The following ATM variants were observed in gnomAD, a reference collection of about 807,000 sequenced individuals.
The protein encoded by ATM is ATM serine/threonine kinase.
A neutral mutation model predicts 387.0 loss-of-function variants in ATM; 308 were observed. That is an observed-to-expected ratio of 0.80 (90% CI 0.73 to 0.87). The LOEUF (loss-of-function observed/expected upper bound fraction) is 0.87. ATM is among the 40% of genes least tolerant of loss of function. ATM has a pLI of 0.00. For synonymous variants in ATM, 1,156 were observed against 1,187.3 expected (o/e 0.97, Z 0.54); for missense variants, 3,312 against 3,560.9 (o/e 0.93, Z 1.78).
rs140715129 is a variant in ATM, at chr11:108,237,458, A to G, written c.496+1624A>G. On this transcript the variant is annotated intron_variant, in intron 5 of 62. Transcript: ENST00000675843. ...CCCCCTTTTTATTTTTAAACTAACT[A>G]CTCTTACTTCTTTTTTTTTCTTTTT... Among the ~76,000 whole-genome samples the G allele has an allele frequency of 3.7e-4, 56 of 151,024 alleles. No individual in the cohort carries two copies. The East Asian group carries it at 0.01, about 28-fold the overall frequency.
chr11:108,319,689 C>CA (rs1447697501), intron 43 of ATM, among the ~76,000 whole-genome samples: 1 of 152,150 alleles, frequency 6.6e-6, no homozygotes, highest in Non-Finnish European at 1.5e-5. Flanking sequence ...TAGTGCCTGG[C>CA]ACATAATAGG....
At position 108,327,385 on chromosome 11, in the gene ATM, C is replaced by CA. The variant is rs1218164843; in HGVS notation, c.6976-257dup. On this transcript the variant is annotated intron_variant, in intron 47 of 62. Transcript: ENST00000675843. The stretch of plus-strand genomic sequence containing the variant: ...TGAGTTAATATATATAAAGCCTTTA[C>CA]AAAGTGTCTGACATATATAAGTACT... 1.9e-4 allele frequency: 78 copies of CA among 410,156 alleles called. No homozygotes were observed. In the Admixed American group the frequency reaches 2.8e-3, roughly 15 times the overall value. The allele number at this position is 410,156 out of a possible 1,614,324, so 25.4% of individuals were successfully genotyped here.
intron 22 of ATM, among the ~76,000 whole-genome samples, chr11:108,274,712 G>T (rs2081837936): frequency 6.6e-6 from 1 of 152,178 alleles, no homozygotes; most frequent in East Asian, 1.9e-4. Context: ...GTTCTAATTT[G>T]ATTGCACTGT....
At chr11:108,262,455 G>A (rs1020059623) in intron 16 of ATM, among the ~76,000 whole-genome samples, 103 of 152,232 alleles carry the variant, frequency 6.8e-4, no homozygotes, top group Admixed American at 1.2e-3. Flanking sequence ...TCACCACCAG[G>A]CCTGCCTTAC....
At chr11:108,355,696 G>A (rs1335509520) in intron 61 of ATM, 2 of 152,160 alleles carry the variant, frequency 1.3e-5, no homozygotes, top group East Asian at 3.9e-4. Flanking sequence ...AAACATTGAT[G>A]CTGATCAAAT....
chr11:108,245,446 T>G (rs1017791347), intron 7 of ATM, among the ~76,000 whole-genome samples: 2 of 152,258 alleles, frequency 1.3e-5, no homozygotes, highest in African/African-American at 4.8e-5. Flanking sequence ...ATTATTCAGC[T>G]CCTGAGGAAG....
intron 13 of ATM, among the ~76,000 whole-genome samples, chr11:108,255,355 C>CA (rs142502230): frequency 1.4e-5 from 2 of 142,190 alleles, no homozygotes; most frequent in Non-Finnish European, 3.1e-5. Flanking sequence ...CCTGTAGGAA[C>CA]AAAAAAAATC....
Position 108,366,664 on chromosome 11 carries a change from T to A in ATM, c.*1156T>A, listed in dbSNP as rs2091347490. 4.3e-6 allele frequency: 1 copy of A among 231,278 alleles called. No homozygotes were observed. The highest frequency in any genetic ancestry group is 1.8e-4 in the South Asian group (1 of 5,520). The allele number at this position is 231,278 out of a possible 1,614,324, so 14.3% of individuals were successfully genotyped here. On this transcript the variant is annotated 3_prime_UTR_variant, in exon 63 of 63. Coordinates refer to ENST00000675843, the MANE Select transcript of ATM (RefSeq NM_000051.4). ...TTATTTTAATTTCTTGGCTTTAGGG[T>A]TTCCATACCTGAAGTGTAGCATAAA...
At chr11:108,315,772 A>T (rs372978004) in intron 40 of ATM, 51 bp from the exon 41 acceptor site, 2 of 1,468,016 alleles carry the variant, frequency 1.4e-6, no homozygotes, top group Admixed American at 1.7e-5. Context: ...TGCTAAATTT[A>T]TAGACCGATT....
At chr11:108,228,920 C>T (rs1273065166) in intron 3 of ATM, among the ~76,000 whole-genome samples, 1 of 152,106 alleles carries the variant, frequency 6.6e-6, no homozygotes, top group Non-Finnish European at 1.5e-5. Context: ...CTTTTAATGA[C>T]AAATTTAGAA....
At chr11:108,232,707 T>C (rs1468423625) in intron 4 of ATM, among the ~76,000 whole-genome samples, 1 of 151,700 alleles carries the variant, frequency 6.6e-6, no homozygotes, top group East Asian at 1.9e-4. Flanking sequence ...GCCCGGTTAA[T>C]TTTTGTATTT....
intron 9 of ATM, among the ~76,000 whole-genome samples, chr11:108,249,333 G>A (rs934534120): frequency 3.3e-5 from 5 of 152,160 alleles, no homozygotes; most frequent in Admixed American, 6.6e-5. Flanking sequence ...TATTGTCATA[G>A]CAAGTTAAGA....
intron 12 of ATM, among the ~76,000 whole-genome samples, 184 bp from the exon 13 acceptor site, chr11:108,253,630 A>G (rs1291199736): frequency 6.6e-6 from 1 of 152,060 alleles, no homozygotes; most frequent in Non-Finnish European, 1.5e-5. Flanking sequence ...ATGACATTTG[A>G]TATAAGTAGG....
intron 7 of ATM, 105 bp from the exon 8 acceptor site, chr11:108,246,859 G>A (rs1422416204): frequency 1.4e-5 from 12 of 875,386 alleles, no homozygotes; most frequent in Non-Finnish European, 1.9e-5. Context: ...TGGACCAGGT[G>A]TCTTCTAACG....
intron 37 of ATM, among the ~76,000 whole-genome samples, chr11:108,305,643 A>G (rs1253332308): frequency 1.3e-5 from 2 of 152,162 alleles, no homozygotes; most frequent in African/African-American, 4.8e-5. Flanking sequence ...TATCCTTCTA[A>G]TTGTTTAAAA....
intron 61 of ATM, among the ~76,000 whole-genome samples, chr11:108,363,643 C>A (rs2091040932): frequency 1.3e-5 from 2 of 152,134 alleles, no homozygotes; most frequent in Non-Finnish European, 2.9e-5. Flanking sequence ...AAAGAAATAC[C>A]CCATCCAAAA....
rs761397203 is a variant in ATM at position 108,253,973 on chromosome 11, C to T, written c.2058C>T (p.Leu686=). 2 of 1,613,908 alleles carry T rather than the reference C, an allele frequency of 1.2e-6. No homozygotes were observed. Among genetic ancestry groups the T allele is most frequent in the Non-Finnish European group, 1.7e-6 (2 of 1,179,988 alleles). The stretch of plus-strand genomic sequence containing the variant: ...TTGGCTTCTCTGTCCACCAGAATCT[C>T]AAGGAATCACTGGATCGCTGTCTTC... The part of the protein sequence containing the change: ...SSIGFSVHQN[L]KESLDRCLLG... The change falls in exon 13 of 63, where the codon CTC becomes CTT. Residue 686 remains leucine, a synonymous_variant. Transcript: ENST00000675843.
At chr11:108,259,738 C>A (rs964840682) in intron 16 of ATM, among the ~76,000 whole-genome samples, 1 of 152,128 alleles carries the variant, frequency 6.6e-6, no homozygotes, top group African/African-American at 2.4e-5. Flanking sequence ...GCCAGGCAAG[C>A]AACATATTCT....
At chr11:108,263,011 T>G (rs1466603650) in intron 16 of ATM, among the ~76,000 whole-genome samples, 1 of 152,048 alleles carries the variant, frequency 6.6e-6, no homozygotes, top group Admixed American at 6.5e-5. Context: ...ACAAACAGAC[T>G]TAGACTCCCA....
Sources: gnomAD v4.1 joint callset for allele counts (sites outside exome capture counted in the v4.1 genomes callset) on GRCh38, gnomAD v4.1.1 for gene constraint, MANE v1.5 for transcripts, NCBI Gene and HGNC (gene_info 2026-07-23, HGNC 2026-07-21) for gene names.